Variants in CELF2 observed in about 807,000 individuals in gnomAD.
CELF2 encodes CUG triplet repeat RNA-binding protein 2.
In CELF2, 8 loss-of-function variants were observed where a neutral mutation model predicts 62.6. That is an observed-to-expected ratio of 0.13 (90% CI 0.07 to 0.23). The LOEUF (loss-of-function observed/expected upper bound fraction) is 0.23. Ranked by LOEUF, CELF2 falls within the 10% of genes least tolerant of loss-of-function variation. CELF2 has a pLI of 1.00. For missense variants in CELF2, 333 were observed against 671.0 expected (o/e 0.50, Z 5.56); for synonymous variants, 258 against 250.0 (o/e 1.03, Z -0.30).
chr10:11,284,015 G>A (rs2090105011), intron 8 of CELF2, among the ~76,000 whole-genome samples: 1 of 151,124 alleles, frequency 6.6e-6, no homozygotes, highest in Admixed American at 6.6e-5. Context: ...TGAGTGTGTG[G>A]TGGGTGGATG....
At chr10:11,148,258 C>T (rs2062642548) in intron 1 of CELF2, among the ~76,000 whole-genome samples, 2 of 152,180 alleles carry the variant, frequency 1.3e-5, no homozygotes, top group South Asian at 4.1e-4. Flanking sequence ...GTATTTTGGG[C>T]AACAGTGAGA....
chr10:10,733,685 C>T, the CELF2 span, among the ~76,000 whole-genome samples: 2 of 152,084 alleles, frequency 1.3e-5, no homozygotes, highest in East Asian at 3.9e-4. Context: ...AGAATGAGAA[C>T]CAAGTGAAAG....
intron 2 of CELF2, among the ~76,000 whole-genome samples, chr10:11,201,745 C>G (rs2059258834): frequency 1.3e-5 from 2 of 152,192 alleles, no homozygotes; most frequent in South Asian, 4.1e-4. Flanking sequence ...CTATAGATGA[C>G]CAGGCCTTTC....
Position 10,995,510 on chromosome 10 carries a change from G to C in CELF2, c.89+75511G>C, listed in dbSNP as rs777688342. ...CATGAACGAAAGCACAGACACAAGA[G>C]AAATTGTGTATTTGAGGAATTGGAA... On this transcript the variant is annotated intron_variant, in intron 2 of 13. Coordinates refer to the CELF2 transcript ENST00000636488. This position sits in a 1 kb window ranked among gnomAD's most constrained non-coding sequence, Gnocchi z 4.7. Among the ~76,000 whole-genome samples the C allele has an allele frequency of 6.6e-6, 1 of 152,176 alleles. No homozygotes were observed. Among genetic ancestry groups the C allele is most frequent in the Non-Finnish European group, 1.5e-5 (1 of 68,034 alleles).
the CELF2 span, among the ~76,000 whole-genome samples, chr10:10,778,509 C>T: frequency 2.0e-5 from 3 of 152,118 alleles, no homozygotes; most frequent in African/African-American, 4.8e-5. Context: ...TAAATAAAGT[C>T]AAATTATAGA....
chr10:10,486,418 A>G, the CELF2 span, among the ~76,000 whole-genome samples: 1 of 152,200 alleles, frequency 6.6e-6, no homozygotes, highest in Non-Finnish European at 1.5e-5. Context: ...GTCTTCTCTA[A>G]TAAATTGCAT....
At chr10:11,077,978 A>G (rs1324535620) in intron 1 of CELF2, among the ~76,000 whole-genome samples, 1 of 152,192 alleles carries the variant, frequency 6.6e-6, no homozygotes, top group Non-Finnish European at 1.5e-5. Flanking sequence ...TGAGAAAAGC[A>G]TACCAAAGGG....
intron 1 of CELF2, among the ~76,000 whole-genome samples, chr10:10,828,485 C>T (rs1392477669): frequency 2.0e-5 from 3 of 152,026 alleles, no homozygotes; most frequent in Non-Finnish European, 4.4e-5. Context: ...GACAGAAAGT[C>T]GAGTGGTGGC....
intron 8 of CELF2, among the ~76,000 whole-genome samples, chr10:11,286,308 C>T (rs1020777592): frequency 6.6e-6 from 1 of 152,248 alleles, no homozygotes; most frequent in African/African-American, 2.4e-5. Flanking sequence ...TGTCATTAAT[C>T]GGTGCCATAT....
chr10:10,837,946 A>G (rs1304770183), intron 1 of CELF2, among the ~76,000 whole-genome samples: 2 of 152,216 alleles, frequency 1.3e-5, no homozygotes, highest in South Asian at 2.1e-4. Context: ...ATTTATCACA[A>G]TTAATGAACC....
chr10:10,540,012 T>C, the CELF2 span, among the ~76,000 whole-genome samples: 1 of 152,220 alleles, frequency 6.6e-6, no homozygotes, highest in African/African-American at 2.4e-5. Context: ...TGGACTTTGC[T>C]GGCTCCCTTA....
intron 4 of CELF2, among the ~76,000 whole-genome samples, chr10:11,254,550 T>C (rs2078119128): frequency 6.6e-6 from 1 of 152,270 alleles, no homozygotes; most frequent in South Asian, 2.1e-4. Context: ...ATTTTCTTCA[T>C]GTTCGTCTTA....
intron 1 of CELF2, among the ~76,000 whole-genome samples, chr10:10,824,227 T>A (rs2057204076): frequency 6.6e-6 from 1 of 152,220 alleles, no homozygotes; most frequent in South Asian, 2.1e-4. Flanking sequence ...CCTTTTGTTT[T>A]CTCTTCCAAA....
chr10:10,563,948 G>T, the CELF2 span, among the ~76,000 whole-genome samples: 14 of 152,204 alleles, frequency 9.2e-5, no homozygotes, highest in African/African-American at 3.4e-4. Context: ...AGTGACACTT[G>T]GTTCAACACG....
At chr10:10,663,352 T>C in the CELF2 span, among the ~76,000 whole-genome samples, 1 of 152,182 alleles carries the variant, frequency 6.6e-6, no homozygotes, top group Non-Finnish European at 1.5e-5. Flanking sequence ...CCTCCCTAGT[T>C]TCCCCCAAAG....
chr10:11,092,917 C>T (rs761505613), intron 1 of CELF2, among the ~76,000 whole-genome samples: 4 of 152,200 alleles, frequency 2.6e-5, no homozygotes, highest in Non-Finnish European at 5.9e-5. Context: ...CTTACTTTAT[C>T]ACCTCTAAAT....
At chr10:10,593,598 A>C in the CELF2 span, among the ~76,000 whole-genome samples, 1 of 152,236 alleles carries the variant, frequency 6.6e-6, no homozygotes, top group East Asian at 1.9e-4. Context: ...ATAATATCAC[A>C]GGCCAGTATT....
At chr10:10,491,434 A>T in the CELF2 span, among the ~76,000 whole-genome samples, 2 of 152,140 alleles carry the variant, frequency 1.3e-5, no homozygotes, top group African/African-American at 4.8e-5. Context: ...GCTCTTTGGT[A>T]TCTTCAGGAA....
upstream of CELF2, among the ~76,000 whole-genome samples, chr10:10,795,227 A>G (rs2054071166): frequency 6.8e-6 from 1 of 147,828 alleles, no homozygotes; most frequent in Non-Finnish European, 1.5e-5. Context: ...ATGTTGCATT[A>G]TATGGATTCA....
Sources: allele counts gnomAD v4.1 joint callset (sites outside exome capture counted in the v4.1 genomes callset), GRCh38; gene constraint gnomAD v4.1.1; non-coding constraint Gnocchi (gnomAD v3.1); transcripts MANE v1.5; gene names NCBI Gene and HGNC (gene_info 2026-07-23, HGNC 2026-07-21).